The following NPC1 variants were observed in gnomAD, a reference collection of about 807,000 sequenced individuals.
NPC1 encodes the protein NPC intracellular cholesterol transporter 1.
NPC1 carries 85 observed loss-of-function variants against 140.4 expected under a neutral mutation model. The observed-to-expected ratio is 0.61, with a 90% CI of 0.51 to 0.72. The LOEUF is 0.72. Among genes scored for constraint, NPC1 ranks in the 30% least tolerant of loss-of-function variants. The pLI is 0.00. For synonymous variants in NPC1, 656 were observed against 624.8 expected (o/e 1.05, Z -0.74); for missense variants, 1,504 against 1,623.8 (o/e 0.93, Z 1.27).
intron 11 of NPC1, among the ~76,000 whole-genome samples, chr18:23,547,292 T>G (rs1478739047): frequency 6.6e-6 from 1 of 152,358 alleles, no homozygotes; most frequent in African/African-American, 2.4e-5. Context: ...CTTGATATTT[T>G]TTTCTAAGCA....
intron 10 of NPC1, among the ~76,000 whole-genome samples, chr18:23,550,963 C>T (rs1168458249): frequency 6.6e-6 from 1 of 152,156 alleles, no homozygotes; most frequent in Non-Finnish European, 1.5e-5. Context: ...ATACAGATTG[C>T]AACTTCTCCC....
downstream of NPC1, among the ~76,000 whole-genome samples, chr18:23,525,392 C>A (rs34804160): frequency 6.6e-6 from 1 of 152,016 alleles, no homozygotes; most frequent in Non-Finnish European, 1.5e-5. Context: ...GGCCTACAGG[C>A]GCACATCACC....
At chr18:23,559,387 A>G (rs2059003190) in intron 6 of NPC1, among the ~76,000 whole-genome samples, 1 of 152,204 alleles carries the variant, frequency 6.6e-6, no homozygotes, top group Admixed American at 6.5e-5. Flanking sequence ...ATTTCAAAAT[A>G]AAAAGTAAAA....
In NPC1 at chr18:23,548,053, G is replaced by GT; in HGVS notation, c.1709dup (p.Tyr570Ter). 1 of 1,612,820 alleles carries GT rather than the reference G, an allele frequency of 6.2e-7. No homozygotes were observed. Among genetic ancestry groups the GT allele is most frequent in the Non-Finnish European group, 8.5e-7 (1 of 1,178,818 alleles). ...TCTGGAGCTTCTCTGTATCATTATA[G>GT]TAATTATTGACAGGGAAGGTAATCA... Reference protein sequence around the residue: ...ALVITFPVNNYYNDTEKLQRA... With the variant: ...ALVITFPVNN Residue 570 changes from tyrosine to a stop codon, truncating the protein, a stop_gained and frameshift_variant, in exon 11 of 25, where the codon TAC becomes TAAC. Coordinates refer to ENST00000269228, the MANE Select transcript of NPC1 (RefSeq NM_000271.5). LOFTEE classifies it high-confidence loss of function.
chr18:23,573,302 T>A, intron 2 of NPC1, 150 bp downstream of exon 2: 1 of 1,077,326 alleles, frequency 9.3e-7, no homozygotes, highest in Non-Finnish European at 1.4e-6. Flanking sequence ...CTGCACTGTA[T>A]GCCACAGGTT....
At chr18:23,569,427 A>G (rs2059171178) in intron 3 of NPC1, among the ~76,000 whole-genome samples, 1 of 152,130 alleles carries the variant, frequency 6.6e-6, no homozygotes, top group Admixed American at 6.5e-5. Context: ...GGCTCAAGCA[A>G]TCCTCCCACC....
At position 23,573,966 on chromosome 18, in the gene NPC1, A is replaced by G. The variant is rs555732820; in HGVS notation, c.58-392T>C. On this transcript the variant is annotated intron_variant, in intron 1 of 24. Transcript: ENST00000269228. ...CTCTAAGTAATGAAAGAATATTTCC[A>G]TATGTATTTAGGTTAATTAATATCA... Among the ~76,000 whole-genome samples, 4 of 152,222 alleles carry G rather than the reference A, an allele frequency of 2.6e-5. No individual in the cohort carries two copies. In the South Asian group the frequency reaches 8.3e-4, roughly 31 times the overall value.
At chr18:23,571,348 A>G (rs2059200175) in intron 3 of NPC1, among the ~76,000 whole-genome samples, 1 of 151,796 alleles carries the variant, frequency 6.6e-6, no homozygotes, top group Non-Finnish European at 1.5e-5. Context: ...TGAGACCCTC[A>G]TCTCTAGAAA....
rs563583172 is a variant in NPC1 at position 23,536,169 on chromosome 18, G to A, written c.3246-469C>T. Among the ~76,000 whole-genome samples, 12 of 152,274 alleles carry A rather than the reference G, an allele frequency of 7.9e-5. No homozygotes were observed. The South Asian group carries it at 2.5e-3, about 32-fold the overall frequency. ...GCCTTCCTGCTTTAAGCGAGATCAT[G>A]GGGAGGCAGGAAAAATAAATCACTT... On this transcript the variant is annotated intron_variant, in intron 21 of 24. Transcript: ENST00000269228.
chr18:23,519,117 A>G (rs765968224), downstream of NPC1: 2 of 1,614,206 alleles, frequency 1.2e-6, no homozygotes. Flanking sequence ...ATAGGACGGG[A>G]AAGTTTGCCC....
chr18:23,579,523 TTTAA>T (rs1364194047), intron 1 of NPC1, among the ~76,000 whole-genome samples: 1 of 151,962 alleles, frequency 6.6e-6, no homozygotes, highest in Non-Finnish European at 1.5e-5. Flanking sequence ...TGCTCTAGAG[TTTAA>T]TTACTAAGAA....
downstream of NPC1, chr18:23,518,884 A>G (rs1458175537): frequency 2.5e-6 from 4 of 1,613,724 alleles, no homozygotes; most frequent in East Asian, 8.9e-5. Flanking sequence ...TTTGTTCCCT[A>G]ATTAGATACG....
intron 20 of NPC1, among the ~76,000 whole-genome samples, chr18:23,538,120 G>C (rs1385685605): frequency 3.3e-5 from 5 of 152,168 alleles, no homozygotes; most frequent in Admixed American, 6.5e-5. Flanking sequence ...GCATGACGAG[G>C]CTAAAAGAAT....
At position 23,586,440 on chromosome 18, in the gene NPC1, C is replaced by A. The variant is rs578098327; in HGVS notation, c.-97G>T. The A allele has an allele frequency of 8.6e-6, 13 of 1,510,758 alleles. No individual in the cohort carries two copies. Among genetic ancestry groups the A allele is most frequent in the African/African-American group, 2.8e-5 (2 of 70,656 alleles). 93.6% of individuals were successfully genotyped at this position (1,510,758 alleles called of 1,614,324 possible). On this transcript the variant is annotated 5_prime_UTR_variant, in exon 1 of 25. Transcript: ENST00000269228. ...CCCCGGGCTGTTTCAGCACCCCGCG[C>A]AGGAGGAGCGGAGGAGCAGGAGCAG...
intron 3 of NPC1, among the ~76,000 whole-genome samples, chr18:23,569,933 A>G (rs1322169918): frequency 6.6e-6 from 1 of 152,220 alleles, no homozygotes; most frequent in Non-Finnish European, 1.5e-5. Context: ...TACTTGCAAA[A>G]GCTGTTTCAT....
chr18:23,578,240 G>A (rs775400285), intron 1 of NPC1, among the ~76,000 whole-genome samples: 5 of 152,228 alleles, frequency 3.3e-5, no homozygotes, highest in South Asian at 2.1e-4. Flanking sequence ...TGAGGGAGGC[G>A]TTATTATACC....
In NPC1 at chr18:23,541,202, G is replaced by C. The variant is rs762138254; in HGVS notation, c.2380C>G (p.Arg794Gly). 1.9e-6 allele frequency: 3 copies of C among 1,614,192 alleles called. No individual in the cohort carries two copies. Among genetic ancestry groups the C allele is most frequent in the Admixed American group, 1.7e-5 (1 of 60,012 alleles). ...GLDIKRQEKN[R>G]LDIFCCVRGA... ...CTGACACAGCAAAAGATGTCTAGCCGATTTTTCTGAGGGGACAGAGGGAAA... is the reference window on the plus strand; with the variant it reads ...CTGACACAGCAAAAGATGTCTAGCCCATTTTTCTGAGGGGACAGAGGGAAA... Residue 794 changes from arginine (R) to glycine (G), a missense_variant, in exon 16 of 25, where the codon CGG (arginine) becomes GGG (glycine). Physicochemically the swap from Arg to Gly is moderately radical, Grantham distance 125. Coordinates refer to ENST00000269228, the MANE Select transcript of NPC1 (RefSeq NM_000271.5).
chr18:23,560,531 A>C, intron 5 of NPC1, 51 bp from the exon 6 acceptor site: 1 of 1,593,050 alleles, frequency 6.3e-7, no homozygotes, highest in Non-Finnish European at 8.6e-7. Context: ...AACATCCAAA[A>C]TTTTGTATTA....
chr18:23,508,191 G>A, intron 3 of NPC1: 3 of 639,110 alleles, frequency 4.7e-6, no homozygotes, highest in South Asian at 6.6e-5. Flanking sequence ...CAGGCGGGGT[G>A]TTTGCTTTGT....
Sources: gnomAD v4.1 joint callset for allele counts (sites outside exome capture counted in the v4.1 genomes callset) on GRCh38, gnomAD v4.1.1 for gene constraint, MANE v1.5 for transcripts, NCBI Gene and HGNC (gene_info 2026-07-23, HGNC 2026-07-21) for gene names.